Variants in HOGA1 observed in about 807,000 individuals in gnomAD.
HOGA1 encodes 4-hydroxy-2-oxoglutarate aldolase, mitochondrial.
HOGA1 carries 30 observed loss-of-function variants against 34.3 expected under a neutral mutation model. The ratio of observed to expected loss-of-function variants is 0.87; its 90% CI spans 0.65 to 1.19. The LOEUF (loss-of-function observed/expected upper bound fraction) is 1.19, where lower values mean the gene tolerates loss of function less well. Among genes scored for constraint, HOGA1 ranks in the 50% most tolerant of loss-of-function variants. HOGA1 has a pLI of 0.00. For missense variants in HOGA1, 417 were observed against 436.5 expected (o/e 0.96, Z 0.40); for synonymous variants, 161 against 174.0 (o/e 0.93, Z 0.59).
intron 1 of HOGA1, among the ~76,000 whole-genome samples, chr10:97,593,103 A>G (rs2135717339): frequency 6.6e-6 from 1 of 151,836 alleles, no homozygotes; most frequent in Middle Eastern, 3.4e-3. Flanking sequence ...AAAGAAGAGT[A>G]GTTAACAGCT....
chr10:97,601,894 G>C lies in HOGA1; in HGVS notation c.738G>C (p.Leu246=), dbSNP rs1433024862. Residue 246 remains leucine (L), a synonymous_variant, in exon 6 of 7, where the codon CTG becomes CTC. Coordinates refer to ENST00000370646, the MANE Select transcript of HOGA1 (RefSeq NM_138413.4). ...GCGTCTGCGCCCTGGCCAATGTCCTGGGGGCTCAGGTGTGCCAGCTGGAGC... is the reference window on the plus strand; with the variant it reads ...GCGTCTGCGCCCTGGCCAATGTCCTCGGGGCTCAGGTGTGCCAGCTGGAGC... ...VGGVCALANV[L]GAQVCQLERL... 6.2e-7 allele frequency: 1 copy of C among 1,612,656 alleles called. No homozygotes were observed. Among genetic ancestry groups the C allele is most frequent in the South Asian group, 1.1e-5 (1 of 90,964 alleles).
chr10:97,591,323 T>G (rs1362728321), intron 1 of HOGA1, among the ~76,000 whole-genome samples: 1 of 152,164 alleles, frequency 6.6e-6, no homozygotes, highest in Non-Finnish European at 1.5e-5. Context: ...ACCTGCTTCC[T>G]GGGGCCCCTT....
chr10:97,604,180 G>A (rs2041140903), intron 6 of HOGA1, among the ~76,000 whole-genome samples: 1 of 152,114 alleles, frequency 6.6e-6, no homozygotes. Flanking sequence ...GAATCACATG[G>A]TATATAACTT....
intron 1 of HOGA1, chr10:97,590,440 T>C: frequency 6.2e-7 from 1 of 1,613,902 alleles, no homozygotes; most frequent in Admixed American, 1.7e-5. Context: ...TGCAAAAGAA[T>C]TTCCTCACCC....
chr10:97,594,168 CTTTTTTT>C (rs71007354), intron 1 of HOGA1, among the ~76,000 whole-genome samples: 1 of 43,432 alleles, frequency 2.3e-5, no homozygotes, highest in African/African-American at 1.0e-4. Flanking sequence ...TGCGCCTGGT[CTTTTTTT>C]TTTTTTTTTT....
chr10:97,598,540 G>A (rs1391273916), intron 1 of HOGA1, among the ~76,000 whole-genome samples: 2 of 152,144 alleles, frequency 1.3e-5, no homozygotes, highest in Non-Finnish European at 2.9e-5. Flanking sequence ...CCAGAAGGTC[G>A]AAACTGCAGC....
chr10:97,606,332 G>A (rs1035472558), intron 6 of HOGA1, among the ~76,000 whole-genome samples: 1 of 151,748 alleles, frequency 6.6e-6, no homozygotes, highest in Admixed American at 6.6e-5. Flanking sequence ...AGAGTTCTTA[G>A]AAGATCGTAA....
chr10:97,597,178 T>C (rs2041078038), intron 1 of HOGA1, among the ~76,000 whole-genome samples: 1 of 151,948 alleles, frequency 6.6e-6, no homozygotes, highest in African/African-American at 2.4e-5. Flanking sequence ...CAATCATAGT[T>C]CACTGCAGCT....
chr10:97,606,946 C>T (rs2041162057), intron 6 of HOGA1, among the ~76,000 whole-genome samples: 1 of 151,976 alleles, frequency 6.6e-6, no homozygotes, highest in African/African-American at 2.4e-5. Context: ...AGTTTCCAGC[C>T]AACAAGTCCT....
chr10:97,599,178 C>T lies in HOGA1; in HGVS notation c.430C>T (p.Arg144Cys), dbSNP rs541591157. ...MVVTPCYYRG[R>C]MSSAALIHHY... The stretch of plus-strand genomic sequence containing the variant: ...GGTGACCCCTTGCTACTATCGTGGC[C>T]GCATGAGCAGTGCGGCCCTCATTCA... The change falls in exon 3 of 7, where the codon CGC (arginine) becomes TGC (cysteine). Residue 144 changes from arginine (R) to cysteine (C), a missense_variant. Physicochemically the swap from Arg to Cys is radical, Grantham distance 180 (BLOSUM62 -3). Transcript: ENST00000370646. 6.8e-6 allele frequency: 11 copies of T among 1,613,912 alleles called. No homozygotes were observed. Among genetic ancestry groups the T allele is most frequent in the South Asian group, 2.2e-5 (2 of 91,082 alleles).
rs2041024348 is a variant in HOGA1 at position 97,591,691 on chromosome 10, C to T, written c.211+6777C>T. ...CTAGGCTGGAGTGCAGAGGCGTGAT[C>T]ACGGCTCACTGCAACCTCTGCCTCT... On this transcript the variant is annotated intron_variant, in intron 1 of 6. Coordinates refer to ENST00000370646, the MANE Select transcript of HOGA1 (RefSeq NM_138413.4). 3.9e-5 allele frequency among the ~76,000 whole-genome samples: 6 copies of T among 151,908 alleles called. No individual in the cohort carries two copies. The South Asian group carries it at 1.0e-3, about 26-fold the overall frequency.
Position 97,590,410 on chromosome 10 carries a change from C to G in HOGA1, c.211+5496C>G, listed in dbSNP as rs767649994. Reference sequence around the variant, plus strand: ...TCAACCAGGAGGAGCTGAGGGCCCTCGAGGAGGTAGAGATGAAGCTGCAAA... The same window carrying G: ...TCAACCAGGAGGAGCTGAGGGCCCTGGAGGAGGTAGAGATGAAGCTGCAAA... On this transcript the variant is annotated intron_variant, in intron 1 of 6. Coordinates refer to ENST00000370646, the MANE Select transcript of HOGA1 (RefSeq NM_138413.4). 5.6e-6 allele frequency: 9 copies of G among 1,613,968 alleles called. No individual in the cohort carries two copies. In the East Asian group the frequency reaches 2.0e-4, roughly 36 times the overall value.
chr10:97,596,680 T>C (rs2041074220), intron 1 of HOGA1, among the ~76,000 whole-genome samples: 1 of 142,122 alleles, frequency 7.0e-6, no homozygotes, highest in Admixed American at 7.4e-5. Flanking sequence ...AGACGTTCCC[T>C]GCAATGTTAC....
In HOGA1 at chr10:97,602,675, C is replaced by T. The variant is rs76297589; in HGVS notation, c.834+685C>T. On this transcript the variant is annotated intron_variant, in intron 6 of 6. Coordinates refer to ENST00000370646, the MANE Select transcript of HOGA1 (RefSeq NM_138413.4). Reference sequence around the variant, plus strand: ...CCTTTCTGTCTTTCTTTCTCTTTCTCTCTTTCTTTCTTTCCTTCTTTCTTT... The same window carrying T: ...CCTTTCTGTCTTTCTTTCTCTTTCTTTCTTTCTTTCTTTCCTTCTTTCTTT... 524 of 777,826 alleles carry T rather than the reference C, an allele frequency of 6.7e-4. 3 individuals carry two copies. In the East Asian group the frequency reaches 0.01, roughly 15 times the overall value. 48.2% of individuals were successfully genotyped at this position (777,826 alleles called of 1,614,324 possible).
chr10:97,602,326 G>T (rs2135724259), intron 6 of HOGA1: 2 of 1,246,758 alleles, frequency 1.6e-6, no homozygotes, highest in Non-Finnish European at 2.0e-6. Context: ...GAGATGCCTG[G>T]AGAGAAAGAG....
chr10:97,585,033 T>A, intron 1 of HOGA1, 119 bp downstream of exon 1: 1 of 805,550 alleles, frequency 1.2e-6, no homozygotes, highest in Non-Finnish European at 2.1e-6. Flanking sequence ...ACTCAGTGGG[T>A]CATTTTATTA....
At chr10:97,595,209 A>C (rs1363966457) in intron 1 of HOGA1, among the ~76,000 whole-genome samples, 4 of 152,086 alleles carry the variant, frequency 2.6e-5, no homozygotes, top group Non-Finnish European at 5.9e-5. Context: ...GGCCTTGTAC[A>C]CCCACTCCTA....
At chr10:97,607,158 A>G (rs1333336640) in intron 6 of HOGA1, among the ~76,000 whole-genome samples, 1 of 150,012 alleles carries the variant, frequency 6.7e-6, no homozygotes, top group African/African-American at 2.5e-5. Context: ...CTAGGCATCT[A>G]TGGACATCCT....
chr10:97,598,294 A>T (rs1322964830), intron 1 of HOGA1, among the ~76,000 whole-genome samples: 11 of 152,258 alleles, frequency 7.2e-5, no homozygotes, highest in Admixed American at 3.3e-4. Context: ...AGCCAAAAGA[A>T]GGAAACATTC....
Sources: allele counts gnomAD v4.1 joint callset (sites outside exome capture counted in the v4.1 genomes callset), GRCh38; gene constraint gnomAD v4.1.1; transcripts MANE v1.5; gene names NCBI Gene and HGNC (gene_info 2026-07-23, HGNC 2026-07-21).